The following SDR39U1 variants were observed in gnomAD, a reference collection of about 807,000 sequenced individuals.
SDR39U1 encodes short chain dehydrogenase/reductase family 39U member 1, also known as epimerase family protein SDR39U1.
In SDR39U1, 29 loss-of-function variants were observed where a neutral mutation model predicts 31.7. The ratio of observed to expected loss-of-function variants is 0.92; its 90% confidence interval spans 0.68 to 1.25. The LOEUF is 1.25. Among genes scored for constraint, SDR39U1 ranks in the 50% most tolerant of loss-of-function variants. The pLI is 0.00. For synonymous variants in SDR39U1, 147 were observed against 159.0 expected (o/e 0.92, Z 0.57); for missense variants, 403 against 378.4 (o/e 1.06, Z -0.54).
rs746657395 is a variant in SDR39U1 at position 24,440,298 on chromosome 14, C to T, written c.667G>A (p.Ala223Thr). ...GVLNGVAPSS[A>T]TNAEFAQTLG... is the part of the protein sequence containing the mutation. ...GTCTGGGCAAACTCAGCATTAGTGG[C>T]GGAGGATGGAGCCACTCCATTCAGG... Residue 223 changes from alanine (A) to threonine (T), a missense_variant, in exon 6 of 6, where the codon GCC (alanine) becomes ACC (threonine). Physicochemically the swap from Ala to Thr is moderately conservative, Grantham distance 58. Coordinates refer to ENST00000399395, the MANE Select transcript of SDR39U1 (RefSeq NM_020195.3). 1.1e-5 allele frequency: 18 copies of T among 1,613,806 alleles called. No individual in the cohort carries two copies. The highest frequency in any genetic ancestry group is 5.3e-5 in the African/African-American group (4 of 74,912).
At chr14:24,442,782 C>G (rs776322263), upstream of SDR39U1, 2 of 1,613,864 alleles carry the variant, frequency 1.2e-6, no homozygotes, top group African/African-American at 2.7e-5. Context: ...CGACTAGGAC[C>G]TAACGCGCCT....
intron 1 of SDR39U1, 84 bp downstream of exon 1, chr14:24,442,670 G>C: frequency 6.5e-7 from 1 of 1,545,440 alleles, no homozygotes; most frequent in Non-Finnish European, 8.9e-7. Flanking sequence ...CTGTGCACTA[G>C]ACAGTGCCCT....
Position 24,440,496 on chromosome 14 carries a change from G to T in SDR39U1, c.473-4C>A. 6.3e-7 allele frequency: 1 copy of T among 1,597,882 alleles called. No homozygotes were observed. The stretch of plus-strand genomic sequence containing the variant: ...CCCCCACGGCCCAGCACAACCCCTA[G>T]AGCAGGAAAGAGGGAAGGTACAGGG... On this transcript the variant is annotated splice_region_variant and splice_polypyrimidine_tract_variant and intron_variant, in intron 5 of 5. Transcript: ENST00000399395.
At chr14:24,441,338 TC>T in intron 4 of SDR39U1, 1 of 452,046 alleles carries the variant, frequency 2.2e-6, no homozygotes, top group Non-Finnish European at 4.0e-6. Context: ...ATAAAACACT[TC>T]AAATAGTGGC....
intron 4 of SDR39U1, 113 bp downstream of exon 4, chr14:24,441,561 G>T (rs980085038): frequency 1.3e-4 from 114 of 858,134 alleles, no homozygotes; most frequent in Non-Finnish European, 1.9e-4. Context: ...CAAGGGCCTA[G>T]GAAGTCATTT....
Position 24,440,125 on chromosome 14 carries a change from G to T in SDR39U1, c.840C>A (p.Ser280=). ...TTAAGGCAGCCCCTAGCTCTGGGAA[G>T]GAATACTGGTAGCCAGTGGCCAGTG... The part of the protein sequence containing the change: ...QRTLATGYQY[S]FPELGAALKE... Residue 280 remains serine (S), a synonymous_variant, in exon 6 of 6, where the codon TCC becomes TCA. Transcript: ENST00000399395. The T allele has an allele frequency of 6.2e-7, 1 of 1,611,280 alleles. No individual in the cohort carries two copies.
rs771184113 is a variant in SDR39U1, at chr14:24,442,355, C to G, written c.114G>C (p.Arg38=). The part of the protein sequence containing the change: ...TLVSRKPGPG[R]ITWDELAASG... The stretch of plus-strand genomic sequence containing the variant: ...CAGAGGATGGACTTACCCACGTGAT[C>G]CGGCCGGGCCCGGGCTTTCGGGAGA... Residue 38 remains arginine (R), a synonymous_variant, in exon 2 of 6, where the codon CGG becomes CGC. Coordinates refer to ENST00000399395, the MANE Select transcript of SDR39U1 (RefSeq NM_020195.3). 25 of 1,610,566 alleles carry G rather than the reference C, an allele frequency of 1.6e-5. No individual in the cohort carries two copies. Among genetic ancestry groups the G allele is most frequent in the Non-Finnish European group, 2.1e-5 (25 of 1,178,550 alleles).
rs1048317334 is a variant in SDR39U1 at position 24,441,770 on chromosome 14, C to T, written c.232G>A (p.Val78Ile). The T allele has an allele frequency of 1.3e-5, 21 of 1,604,284 alleles. No individual in the cohort carries two copies. Among genetic ancestry groups the T allele is most frequent in the Non-Finnish European group, 1.7e-5 (20 of 1,177,020 alleles). ...RRWNETFQKEVIGSRLETTQL... is the reference protein window; with the variant it reads ...RRWNETFQKEIIGSRLETTQL... ...GTGGTCTCTAGGCGGCTGCCGATTA[C>T]CTCTTTTTGGAAGGTTTCATTCCAT... The change falls in exon 4 of 6, where the codon GTA (valine) becomes ATA (isoleucine). Residue 78 changes from valine (V) to isoleucine (I), a missense_variant. By Grantham distance (29) the Val-to-Ile change is conservative. Transcript: ENST00000399395.
rs1464000050 is a variant in SDR39U1 at position 24,439,904 on chromosome 14, A to G, written c.*179T>C. Reference sequence around the variant, plus strand: ...AAGGAGTTGAAAAGATTAATGTCCCAACCTGATGAGATTACGGCCTTGAGA... The same window carrying G: ...AAGGAGTTGAAAAGATTAATGTCCCGACCTGATGAGATTACGGCCTTGAGA... On this transcript the variant is annotated 3_prime_UTR_variant, in exon 6 of 6. Transcript: ENST00000399395. 1 of 583,970 alleles carries G rather than the reference A, an allele frequency of 1.7e-6. No homozygotes were observed. Among genetic ancestry groups the G allele is most frequent in the Non-Finnish European group, 3.0e-6 (1 of 337,870 alleles). 36.2% of individuals were successfully genotyped at this position (583,970 alleles called of 1,614,324 possible). A position where few individuals can be genotyped will look rare whatever the true frequency, so the allele number is the denominator to read the frequency against.
At position 24,440,681 on chromosome 14, in the gene SDR39U1, C is replaced by T. The variant is rs1269801509; in HGVS notation, c.472+102G>A. ...GCAGGTTGGCTAGAAGTGGTGGCAT[C>T]CTCTCACTCTGTAATTGTAATCTCA... On this transcript the variant is annotated intron_variant, in intron 5 of 5. Coordinates refer to ENST00000399395, the MANE Select transcript of SDR39U1 (RefSeq NM_020195.3). The T allele has an allele frequency of 2.7e-6, 4 of 1,466,542 alleles. No homozygotes were observed. In the African/African-American group the frequency reaches 5.6e-5, roughly 21 times the overall value. The allele number at this position is 1,466,542 out of a possible 1,614,324, so 90.8% of individuals were successfully genotyped here.
chr14:24,440,731 CA>C, intron 5 of SDR39U1, 51 bp downstream of exon 5: 1 of 1,591,804 alleles, frequency 6.3e-7, no homozygotes, highest in Non-Finnish European at 8.6e-7. Flanking sequence ...ATCACTTCCC[CA>C]GCCCAGAGAA....
Position 24,439,804 on chromosome 14 carries a change from G to A in SDR39U1, c.*279C>T, listed in dbSNP as rs1213755240. 6.0e-6 allele frequency: 2 copies of A among 331,928 alleles called. No homozygotes were observed. Among genetic ancestry groups the A allele is most frequent in the Non-Finnish European group, 5.5e-6 (1 of 183,184 alleles). The allele number at this position is 331,928 out of a possible 1,614,324, so 20.6% of individuals were successfully genotyped here. A position where few individuals can be genotyped will look rare whatever the true frequency, so the allele number is the denominator to read the frequency against. On this transcript the variant is annotated 3_prime_UTR_variant, in exon 6 of 6. Transcript: ENST00000399395. ...TTATTTTTATTGCCTAAACTGCAGA[G>A]CATTCTCTACACAGCGTAAAGGAGA...
intron 4 of SDR39U1, chr14:24,441,437 C>T: frequency 2.0e-6 from 1 of 509,448 alleles, no homozygotes; most frequent in Non-Finnish European, 3.4e-6. Flanking sequence ...AAGTAAGGGA[C>T]TTTGGGATAG....
rs1419714141 is a variant in SDR39U1 at position 24,440,513 on chromosome 14, G to C, written c.473-21C>G. On this transcript the variant is annotated intron_variant, in intron 5 of 5. Coordinates refer to ENST00000399395, the MANE Select transcript of SDR39U1 (RefSeq NM_020195.3). ...AACCCCTAGAGCAGGAAAGAGGGAA[G>C]GTACAGGGGTCCTCTCAGCCTTGAA... 3 of 1,587,944 alleles carry C rather than the reference G, an allele frequency of 1.9e-6. No homozygotes were observed. The East Asian group carries it at 6.9e-5, about 37-fold the overall frequency.
rs537807534 is a variant in SDR39U1 at position 24,442,155 on chromosome 14, T to G, written c.206+23A>C. 61 of 1,603,878 alleles carry G rather than the reference T, an allele frequency of 3.8e-5. No homozygotes were observed. In the East Asian group the frequency reaches 1.3e-3, roughly 34 times the overall value. On this transcript the variant is annotated intron_variant, in intron 3 of 5. Transcript: ENST00000399395. ...TGTCCTCCCTGTGCTCTAGTGGGTA[T>G]CAGCTTTAGGGCCCGGGCTGACCTT...
chr14:24,440,766 C>A lies in SDR39U1; in HGVS notation c.472+17G>T. 2 of 1,612,988 alleles carry A rather than the reference C, an allele frequency of 1.2e-6. No individual in the cohort carries two copies. The highest frequency in any genetic ancestry group is 1.7e-6 in the Non-Finnish European group (2 of 1,179,280). The stretch of plus-strand genomic sequence containing the variant: ...AAGACATTCCAACCCTGTCTGATAC[C>A]CAGGCCCGTTTCTCACCTGAGCGCA... On this transcript the variant is annotated intron_variant, in intron 5 of 5. Transcript: ENST00000399395.
intron 3 of SDR39U1, 41 bp downstream of exon 3, chr14:24,442,137 C>T (rs1172845122): frequency 6.3e-7 from 1 of 1,591,636 alleles, no homozygotes; most frequent in Non-Finnish European, 8.6e-7. Flanking sequence ...CACTGTCCTC[C>T]CTGTGCTCTA....
chr14:24,441,594 T>C (rs2043339595), intron 4 of SDR39U1, 80 bp downstream of exon 4: 1 of 1,226,890 alleles, frequency 8.2e-7, no homozygotes, highest in African/African-American at 1.5e-5. Context: ...ACCAGTGCTC[T>C]GGTGTGTGCA....
intron 3 of SDR39U1, 110 bp downstream of exon 3, chr14:24,442,068 G>T (rs1049860865): frequency 1.3e-6 from 2 of 1,548,608 alleles, no homozygotes; most frequent in South Asian, 1.2e-5. Context: ...TGGGATATCG[G>T]TTTAGTTCGG....
Sources: allele counts gnomAD v4.1 joint callset, GRCh38; gene constraint gnomAD v4.1.1; transcripts MANE v1.5; gene names NCBI Gene and HGNC (gene_info 2026-07-23, HGNC 2026-07-21).